Variants in SV2B observed in about 807,000 individuals in gnomAD.
SV2B encodes the protein synaptic vesicle glycoprotein 2B.
Under a neutral mutation model 73.9 loss-of-function variants are expected in SV2B, and 41 were observed. The observed-to-expected ratio is 0.56, with a 90% CI of 0.43 to 0.72. The LOEUF is 0.72. Ranked by LOEUF, SV2B falls within the 30% of genes least tolerant of loss-of-function variation. The pLI, the probability that SV2B is intolerant of heterozygous loss-of-function variation, is 0.00. For synonymous variants in SV2B, 314 were observed against 314.2 expected (o/e 1.00, Z 0.01); for missense variants, 764 against 857.8 (o/e 0.89, Z 1.37).
rs2048788268 is a variant in SV2B at position 91,284,313 on chromosome 15, A to T, written c.1708+92A>T. The T allele has an allele frequency of 6.4e-6, 9 of 1,406,542 alleles. No homozygotes were observed. In the South Asian group the frequency reaches 1.0e-4, roughly 16 times the overall value. The allele number at this position is 1,406,542 out of a possible 1,614,324, so 87.1% of individuals were successfully genotyped here. A position where few individuals can be genotyped will look rare whatever the true frequency, so the allele number is the denominator to read the frequency against. On this transcript the variant is annotated intron_variant, in intron 11 of 12. Transcript: ENST00000394232. This position sits in a 1 kb window ranked among gnomAD's most constrained non-coding sequence, Gnocchi z 4.5. ...ACAGGGAAATTTTCCCTTTTATTAA[A>T]TAATTCTTGCACAACAAACCCAACA...
At chr15:91,222,409 A>AT (rs1236919692) in intron 1 of SV2B, among the ~76,000 whole-genome samples, 3 of 152,178 alleles carry the variant, frequency 2.0e-5, no homozygotes, top group Admixed American at 6.5e-5. Flanking sequence ...CAAGATTGTA[A>AT]TTTTTATTAC....
rs138359217 is a variant in SV2B at position 91,191,637 on chromosome 15, G to A, written c.-391-34236G>A. ...TATTGAAGTCTCTCTCCCCTACTGC[G>A]GTAGCTCAAATACAATTTATCTTGC... On this transcript the variant is annotated intron_variant, in intron 1 of 12. Coordinates refer to ENST00000394232, the MANE Select transcript of SV2B (RefSeq NM_001323032.3). 3.4e-3 allele frequency among the ~76,000 whole-genome samples: 524 copies of A among 152,140 alleles called. 2 individuals are homozygous for A. Among genetic ancestry groups the A allele is most frequent in the African/African-American group, 0.011 (474 of 41,452 alleles).
At chr15:91,195,702 T>C (rs16945308) in intron 1 of SV2B, among the ~76,000 whole-genome samples, 5,472 of 152,272 alleles carry the variant, frequency 0.036, 263 homozygotes, top group African/African-American at 0.11. Context: ...TTTGGGTACA[T>C]TACTTAAACC....
rs763935279 is a variant in SV2B, at chr15:91,267,567, G to A, written c.1132G>A (p.Ala378Thr). ...KTIFKQVWDN[A>T]LYCVMGPYRM... Reference sequence around the variant, plus strand: ...GTATGGGTTGTAGGTCTGGGATAATGCCCTGTACTGTGTGATGGGGCCCTA... The same window carrying A: ...GTATGGGTTGTAGGTCTGGGATAATACCCTGTACTGTGTGATGGGGCCCTA... Residue 378 changes from alanine (A) to threonine (T), a missense_variant, in exon 8 of 13, where the codon GCC becomes ACC. Transcript: ENST00000394232. This position sits in a 1 kb window ranked among gnomAD's most constrained non-coding sequence, Gnocchi z 4.3. The A allele has an allele frequency of 4.3e-6, 7 of 1,613,296 alleles. No individual in the cohort carries two copies. Among genetic ancestry groups the A allele is most frequent in the Non-Finnish European group, 5.9e-6 (7 of 1,179,636 alleles).
intron 1 of SV2B, among the ~76,000 whole-genome samples, chr15:91,104,895 GT>G (rs1433583224): frequency 6.6e-6 from 1 of 152,208 alleles, no homozygotes; most frequent in Non-Finnish European, 1.5e-5. Flanking sequence ...GCCTCCCAAA[GT>G]GCTGGGATTA....
intron 1 of SV2B, among the ~76,000 whole-genome samples, chr15:91,215,974 G>C (rs909189747): frequency 2.0e-5 from 3 of 152,098 alleles, no homozygotes; most frequent in African/African-American, 7.2e-5. Flanking sequence ...AAAATTCGCA[G>C]GGTTTGGTTC....
intron 1 of SV2B, among the ~76,000 whole-genome samples, chr15:91,111,509 A>G (rs2042034123): frequency 1.3e-5 from 2 of 152,118 alleles, no homozygotes; most frequent in African/African-American, 4.8e-5. Flanking sequence ...TGCATGAGGA[A>G]AGAAGACGGG....
chr15:91,167,844 C>G (rs1219066205), intron 1 of SV2B, among the ~76,000 whole-genome samples: 1 of 151,826 alleles, frequency 6.6e-6, no homozygotes, highest in Non-Finnish European at 1.5e-5. Context: ...TGTTAAAATC[C>G]TATGAAGAAT....
chr15:91,171,514 T>C (rs1480955851), intron 1 of SV2B, among the ~76,000 whole-genome samples: 1 of 152,166 alleles, frequency 6.6e-6, no homozygotes, highest in Non-Finnish European at 1.5e-5. Flanking sequence ...GCAGTGGACG[T>C]CACTTTATGC....
At position 91,289,545 on chromosome 15, in the gene SV2B, T is replaced by C; in HGVS notation, c.1733T>C (p.Val578Ala). 1 of 1,614,216 alleles carries C rather than the reference T, an allele frequency of 6.2e-7. No homozygotes were observed. Among genetic ancestry groups the C allele is most frequent in the Non-Finnish European group, 8.5e-7 (1 of 1,180,042 alleles). ...GGTGGCTCCATGCTAATCTCTGCAGTCTGCTGCTTCTTCCTGTTTTTTGGC... is the reference window on the plus strand; with the variant it reads ...GGTGGCTCCATGCTAATCTCTGCAGCCTGCTGCTTCTTCCTGTTTTTTGGC... ...MIGGSMLISA[V>A]CCFFLFFGNS... Residue 578 changes from valine (V) to alanine (A), a missense_variant, in exon 12 of 13, where the codon GTC (valine) becomes GCC (alanine). Val to Ala is a moderately conservative substitution (Grantham distance 64). Transcript: ENST00000394232. This position sits in a 1 kb window ranked among gnomAD's most constrained non-coding sequence, Gnocchi z 4.9.
rs1567282263 is a variant in SV2B at position 91,137,647 on chromosome 15, T to TATATTTCATATATAC, written c.-392+37288_-392+37289insTTCATATATACATAT. 7.9e-4 allele frequency among the ~76,000 whole-genome samples: 27 copies of TATATTTCATATATAC among 34,286 alleles called. No homozygotes were observed. The highest frequency in any genetic ancestry group is 1.9e-3 in the South Asian group (2 of 1,052). 22.5% of individuals were successfully genotyped at this position (34,286 alleles called of 152,430 possible). The stretch of plus-strand genomic sequence containing the variant: ...TATATACATATATTTCATATATACA[T>TATATTTCATATATAC]ATATATTTCATATATACATATATTT... On this transcript the variant is annotated intron_variant, in intron 1 of 12. Coordinates refer to ENST00000394232, the MANE Select transcript of SV2B (RefSeq NM_001323032.3). The surrounding 1 kb of genome is among the most constrained non-coding windows in gnomAD (Gnocchi z 4.9).
intron 1 of SV2B, among the ~76,000 whole-genome samples, chr15:91,187,302 A>G (rs2141337700): frequency 6.6e-6 from 1 of 152,324 alleles, no homozygotes; most frequent in Non-Finnish European, 1.5e-5. Flanking sequence ...GAGTAAAATG[A>G]ATTCTATAAT....
chr15:91,182,188 A>G (rs548094485), intron 1 of SV2B, among the ~76,000 whole-genome samples: 12 of 152,294 alleles, frequency 7.9e-5, no homozygotes, highest in African/African-American at 2.6e-4. Flanking sequence ...TGCTTTTCCT[A>G]TGATTAATTT....
Position 91,140,458 on chromosome 15 carries a change from A to G in SV2B, c.-392+40095A>G, listed in dbSNP as rs1013957584. On this transcript the variant is annotated intron_variant, in intron 1 of 12. Coordinates refer to ENST00000394232, the MANE Select transcript of SV2B (RefSeq NM_001323032.3). The surrounding 1 kb of genome is among the most constrained non-coding windows in gnomAD (Gnocchi z 4.4). ...CTCAAAGGAAGCTTTAATTAGGTGT[A>G]TATCTCTCCTGTGTGCCAATTCGTG... Among the ~76,000 whole-genome samples, 2 of 152,212 alleles carry G rather than the reference A, an allele frequency of 1.3e-5. No homozygotes were observed. The highest frequency in any genetic ancestry group is 4.8e-5 in the African/African-American group (2 of 41,466).
At chr15:91,205,393 G>A (rs917221814) in intron 1 of SV2B, among the ~76,000 whole-genome samples, 4 of 151,652 alleles carry the variant, frequency 2.6e-5, no homozygotes, top group Non-Finnish European at 5.9e-5. Flanking sequence ...TTAAACACAG[G>A]GTCTCACTCT....
chr15:91,214,663 A>C lies in SV2B; in HGVS notation c.-391-11210A>C, dbSNP rs934298919. On this transcript the variant is annotated intron_variant, in intron 1 of 12. Coordinates refer to ENST00000394232, the MANE Select transcript of SV2B (RefSeq NM_001323032.3). The surrounding 1 kb of genome is among the most constrained non-coding windows in gnomAD (Gnocchi z 4.7). ...TGTATGGCAAGAAATATCATTAACA[A>C]TTGTTTTCCCGATGAAATCAAAACG... Among the ~76,000 whole-genome samples the C allele has an allele frequency of 1.3e-5, 2 of 152,214 alleles. No individual in the cohort carries two copies. Among genetic ancestry groups the C allele is most frequent in the African/African-American group, 4.8e-5 (2 of 41,460 alleles).
At chr15:91,163,333 C>T (rs1243167198) in intron 1 of SV2B, among the ~76,000 whole-genome samples, 5 of 152,284 alleles carry the variant, frequency 3.3e-5, no homozygotes, top group African/African-American at 1.2e-4. Context: ...CCTGAGGAAT[C>T]GCCACACTGA....
At chr15:91,125,934 GTGA>G (rs978647267) in intron 1 of SV2B, among the ~76,000 whole-genome samples, 25 of 152,036 alleles carry the variant, frequency 1.6e-4, no homozygotes, top group South Asian at 4.2e-4. Flanking sequence ...AATGGTGGTG[GTGA>G]TGATGATGAT....
rs961647123 is a variant in SV2B at position 91,302,257 on chromosome 15, C to T, written c.*9705C>T. ...TGTCATATGTAAAAGAGTTAATTCT[C>T]AGATTGATTCAAATGCGGACTTAAC... On this transcript the variant is annotated 3_prime_UTR_variant, in exon 13 of 13. Coordinates refer to ENST00000394232, the MANE Select transcript of SV2B (RefSeq NM_001323032.3). Among the ~76,000 whole-genome samples, 8 of 152,038 alleles carry T rather than the reference C, an allele frequency of 5.3e-5. No individual in the cohort carries two copies. Among genetic ancestry groups the T allele is most frequent in the African/African-American group, 1.9e-4 (8 of 41,392 alleles).
Sources: allele counts gnomAD v4.1 joint callset (sites outside exome capture counted in the v4.1 genomes callset), GRCh38; gene constraint gnomAD v4.1.1; non-coding constraint Gnocchi (gnomAD v3.1); transcripts MANE v1.5; gene names NCBI Gene and HGNC (gene_info 2026-07-23, HGNC 2026-07-21).